ACTN3: variants seen among roughly 807,000 people sequenced by gnomAD.
ACTN3 encodes actinin alpha 3, also known as alpha-actinin-3.
In ACTN3, 91 loss-of-function variants were observed where a neutral mutation model predicts 119.6. That is an observed-to-expected ratio of 0.76 (90% CI 0.64 to 0.91). The LOEUF (loss-of-function observed/expected upper bound fraction) is 0.91. Ranked by LOEUF, ACTN3 falls within the 40% of genes least tolerant of loss-of-function variation. The pLI, the probability that ACTN3 is intolerant of heterozygous loss-of-function variation, is 0.00. For missense variants in ACTN3, 1,221 were observed against 1,215.1 expected (o/e 1.00, Z -0.07); for synonymous variants, 456 against 478.8 (o/e 0.95, Z 0.62).
Position 66,559,042 on chromosome 11 carries a change from G to A in ACTN3, c.1277-194G>A, listed in dbSNP as rs1371068874. 1.1e-5 allele frequency: 5 copies of A among 471,616 alleles called. No individual in the cohort carries two copies. In the Admixed American group the frequency reaches 1.3e-4, roughly 12 times the overall value. The allele number at this position is 471,616 out of a possible 1,614,324, so 29.2% of individuals were successfully genotyped here. On this transcript the variant is annotated intron_variant, in intron 11 of 20. Coordinates refer to ENST00000513398, the MANE Select transcript of ACTN3 (RefSeq NM_001104.4). ...CGTAGCTCGCTCAGGGGACGCTGATGTCATTTGCGGATCACGCCACGGAAG... is the reference window on the plus strand; with the variant it reads ...CGTAGCTCGCTCAGGGGACGCTGATATCATTTGCGGATCACGCCACGGAAG...
At chr11:66,548,486 G>A (rs1039251274) in intron 1 of ACTN3, among the ~76,000 whole-genome samples, 3 of 152,128 alleles carry the variant, frequency 2.0e-5, no homozygotes, top group South Asian at 4.1e-4. Context: ...CCAACTTGCA[G>A]TCACCATCTC....
chr11:66,561,312 T>C lies in ACTN3; in HGVS notation c.1946T>C (p.Phe649Ser), dbSNP rs773109570. 17 of 1,611,126 alleles carry C rather than the reference T, an allele frequency of 1.1e-5. No homozygotes were observed. The highest frequency in any genetic ancestry group is 5.1e-6 in the Non-Finnish European group (6 of 1,179,200). The change falls in exon 16 of 21, where the codon TTT becomes TCT. Residue 649 changes from phenylalanine to serine, a missense_variant. Transcript: ENST00000513398. ...GTAAACGAGAGGCTCCGGCGACAGT[T>C]TGCGGCCCAGGCCAATGCCATTGGA... is the stretch of plus-strand genomic sequence containing the variant. ...QQVNERLRRQ[F>S]AAQANAIGPW...
rs1026499015 is a variant in ACTN3, at chr11:66,561,467, C to G, written c.2005C>G (p.Arg669Gly). Residue 669 changes from arginine to glycine, a missense_variant, in exon 17 of 21, where the codon CGG becomes GGG. This residue lies in a region of ACTN3 where 934 missense variants were observed against 899.9 expected (regional missense o/e 1.04). Transcript: ENST00000513398. ...CTGGGAACCCCTGCAGGAAGTGGGG[C>G]GGCTGGCAGCAGGGCTAGCTGGCTC... is the stretch of plus-strand genomic sequence containing the variant. ...WIQAKVEEVG[R>G]LAAGLAGSLE... 10 of 1,599,166 alleles carry G rather than the reference C, an allele frequency of 6.3e-6. No individual in the cohort carries two copies. The highest frequency in any genetic ancestry group is 2.7e-5 in the African/African-American group (2 of 74,746).
chr11:66,559,905 G>T, intron 12 of ACTN3, 63 bp from the exon 13 acceptor site: 2 of 1,482,828 alleles, frequency 1.3e-6, no homozygotes, highest in African/African-American at 2.8e-5. Flanking sequence ...TCCAGCCCTG[G>T]GAGTGCAGTT....
chr11:66,563,123 C>T lies in ACTN3; in HGVS notation c.2636C>T (p.Ser879Phe). 4 of 1,613,402 alleles carry T rather than the reference C, an allele frequency of 2.5e-6. No homozygotes were observed. The South Asian group carries it at 4.4e-5, about 18-fold the overall frequency. Residue 879 changes from serine to phenylalanine, a missense_variant, in exon 21 of 21, where the codon TCC becomes TTC. Physicochemically the swap from Ser to Phe is radical, Grantham distance 155. This residue lies in a region of ACTN3 where 934 missense variants were observed against 899.9 expected (regional missense o/e 1.04). Transcript: ENST00000513398. Reference sequence around the variant, plus strand: ...CGCCGTATGGTGCCCTACAAGGGATCCGGGGCCCCGGCTGGAGCCCTGGAC... The same window carrying T: ...CGCCGTATGGTGCCCTACAAGGGATTCGGGGCCCCGGCTGGAGCCCTGGAC... ...CIRRMVPYKG[S>F]GAPAGALDYV... is the part of the protein sequence containing the mutation.
At chr11:66,551,439 G>T (rs569308943) in intron 2 of ACTN3, 86 bp downstream of exon 2, 3 of 1,566,206 alleles carry the variant, frequency 1.9e-6, no homozygotes, top group East Asian at 2.4e-5. Flanking sequence ...AGTGTTGGAC[G>T]GGACTTGGTG....
At chr11:66,555,446 C>A in intron 7 of ACTN3, 79 bp downstream of exon 7, 1 of 1,457,226 alleles carries the variant, frequency 6.9e-7, no homozygotes, top group Non-Finnish European at 9.6e-7. Flanking sequence ...TTTGCACGGC[C>A]CTTTCCTCCT....
chr11:66,551,084 G>T, intron 1 of ACTN3, 155 bp from the exon 2 acceptor site: 1 of 713,170 alleles, frequency 1.4e-6, no homozygotes, highest in South Asian at 1.5e-5. Context: ...GAAAGGGACT[G>T]GCCCAGGATG....
Position 66,559,949 on chromosome 11 carries a change from C to A in ACTN3, c.1428-19C>A. On this transcript the variant is annotated intron_variant, in intron 12 of 20. Transcript: ENST00000513398. ...TGGGCTGGGGCTGGCCCCACACTCG[C>A]CCTACTTCTCGCTCCCAGTGAGCTG... 1 of 1,576,046 alleles carries A rather than the reference C, an allele frequency of 6.3e-7. No individual in the cohort carries two copies. Among genetic ancestry groups the A allele is most frequent in the South Asian group, 1.2e-5 (1 of 85,542 alleles).
chr11:66,562,327 G>A lies in ACTN3; in HGVS notation c.2388+5G>A. The stretch of plus-strand genomic sequence containing the variant: ...ATCTCCATGGGCTATGACCTGGTGA[G>A]AGCTCCCCAGCTCCTTCCCAGGAGT... On this transcript the variant is annotated splice_donor_5th_base_variant and intron_variant, in intron 19 of 20. Transcript: ENST00000513398. 6.2e-7 allele frequency: 1 copy of A among 1,612,074 alleles called. No individual in the cohort carries two copies. The highest frequency in any genetic ancestry group is 8.5e-7 in the Non-Finnish European group (1 of 1,179,704).
At chr11:66,546,734 C>A, upstream of ACTN3, 1 of 1,535,668 alleles carries the variant, frequency 6.5e-7, no homozygotes. Context: ...GCGAGATCCA[C>A]CCCGGCGCCC....
chr11:66,562,235 G>A (rs751121746), intron 18 of ACTN3, 22 bp from the exon 19 acceptor site: 1 of 1,613,756 alleles, frequency 6.2e-7, no homozygotes, highest in African/African-American at 1.3e-5. Flanking sequence ...GACCAAGCCT[G>A]ATAACCACTC....
rs1248965969 is a variant in ACTN3, at chr11:66,551,613, C to A, written c.348C>A (p.Ser116Arg). The change falls in exon 3 of 21, where the codon AGC becomes AGA. Residue 116 changes from serine (S) to arginine (R), a missense_variant. Around this residue, in one of 3 missense-constraint regions of ACTN3, gnomAD observed 239 missense variants for 231.8 expected, o/e 1.03. Transcript: ENST00000513398. Reference sequence around the variant, plus strand: ...ACAAGGCCCTGGACTTCATTGCCAGCAAGGGGGTTAAACTGGTGTCCATTG... The same window carrying A: ...ACAAGGCCCTGGACTTCATTGCCAGAAAGGGGGTTAAACTGGTGTCCATTG... ...NVNKALDFIA[S>R]KGVKLVSIGA... 1 of 1,613,922 alleles carries A rather than the reference C, an allele frequency of 6.2e-7. No individual in the cohort carries two copies. The highest frequency in any genetic ancestry group is 8.5e-7 in the Non-Finnish European group (1 of 1,180,034).
chr11:66,546,920 G>T lies in ACTN3; in HGVS notation c.-18G>T. The T allele has an allele frequency of 6.5e-7, 1 of 1,535,606 alleles. No homozygotes were observed. Among genetic ancestry groups the T allele is most frequent in the Non-Finnish European group, 8.7e-7 (1 of 1,145,002 alleles). ...CCGAGAGCGTGCCGAGCGGAGCGAA[G>T]CCAGGAGCCCGATCGAGATGATGAT... is the stretch of plus-strand genomic sequence containing the variant. On this transcript the variant is annotated 5_prime_UTR_variant, in exon 1 of 21. Transcript: ENST00000513398.
intron 3 of ACTN3, among the ~76,000 whole-genome samples, chr11:66,553,810 C>T (rs545272360): frequency 2.0e-5 from 3 of 147,146 alleles, no homozygotes; most frequent in South Asian, 4.3e-4. Flanking sequence ...GCGGAGATTG[C>T]GCCACTGCAC....
chr11:66,551,787 G>C, intron 3 of ACTN3, 140 bp downstream of exon 3: 1 of 1,345,988 alleles, frequency 7.4e-7, no homozygotes, highest in Non-Finnish European at 1.0e-6. Context: ...TAAAGAGCCA[G>C]TATGCCAGCC....
chr11:66,552,241 G>A (rs189009403), intron 3 of ACTN3, among the ~76,000 whole-genome samples: 6 of 151,702 alleles, frequency 4.0e-5, no homozygotes, highest in Admixed American at 6.6e-5. Flanking sequence ...GTGGCGGCGC[G>A]TGGCTGTAAT....
intron 1 of ACTN3, among the ~76,000 whole-genome samples, chr11:66,549,732 C>CAAAAAAAAAAA (rs61393902): frequency 2.3e-5 from 1 of 43,028 alleles, no homozygotes; most frequent in African/African-American, 1.0e-4. Flanking sequence ...ACTCTGTCTC[C>CAAAAAAAAAAA]AAAAAAAAAA....
At chr11:66,561,773 A>G in intron 17 of ACTN3, 136 bp downstream of exon 17, 3 of 1,135,908 alleles carry the variant, frequency 2.6e-6, no homozygotes, top group Non-Finnish European at 2.4e-6. Flanking sequence ...AGACCCAGCG[A>G]TGGAAAGTGA....
Sources: allele counts gnomAD v4.1 joint callset (sites outside exome capture counted in the v4.1 genomes callset), GRCh38; gene constraint gnomAD v4.1.1; regional missense constraint gnomAD v4.1.1; transcripts MANE v1.5; gene names NCBI Gene and HGNC (gene_info 2026-07-23, HGNC 2026-07-21).